The following NCOA6 variants were observed in gnomAD, a reference collection of about 807,000 sequenced individuals.
NCOA6 encodes the protein NRC RAP250.
A neutral mutation model predicts 171.4 loss-of-function variants in NCOA6; 49 were observed. That is an observed-to-expected ratio of 0.29 (90% CI 0.23 to 0.36). The LOEUF is 0.36. Ranked by LOEUF, NCOA6 falls within the 10% of genes least tolerant of loss-of-function variation. The probability of loss-of-function intolerance (pLI) is 1.00; values close to 1 mark genes in which losing one functional copy is unlikely to be tolerated. For missense variants in NCOA6, 2,248 were observed against 2,554.5 expected (o/e 0.88, Z 2.59); for synonymous variants, 910 against 927.5 (o/e 0.98, Z 0.34).
chr20:34,779,040 T>G (rs1420731468), intron 3 of NCOA6, among the ~76,000 whole-genome samples: 1 of 151,318 alleles, frequency 6.6e-6, no homozygotes, highest in East Asian at 1.9e-4. Flanking sequence ...ACATTATGAG[T>G]ACATTTAATT....
intron 12 of NCOA6, 173 bp from the exon 13 acceptor site, chr20:34,732,768 T>C: frequency 1.8e-6 from 1 of 542,880 alleles, no homozygotes; most frequent in East Asian, 3.0e-5. Context: ...CTTGGTTTGT[T>C]TGGGACATAA....
At chr20:34,763,675 C>T (rs1364715016) in intron 5 of NCOA6, among the ~76,000 whole-genome samples, 3 of 152,206 alleles carry the variant, frequency 2.0e-5, no homozygotes, top group African/African-American at 7.2e-5. Context: ...ATGACTTAGC[C>T]TGGCTATTAA....
chr20:34,757,631 G>A lies in NCOA6; in HGVS notation c.1117C>T (p.Pro373Ser). Reference sequence around the variant, plus strand: ...TGGCTGCCAAAGGGATATGGAGGGGGAGGGTGGGAAGGCGTCTGTACCGTG... The same window carrying A: ...TGGCTGCCAAAGGGATATGGAGGGGAAGGGTGGGAAGGCGTCTGTACCGTG... ...LATVQTPSHPPPPYPFGSQQA... is the reference protein window; with the variant it reads ...LATVQTPSHPSPPYPFGSQQA... The change falls in exon 7 of 15, where the codon CCC becomes TCC. Residue 373 changes from proline to serine, a missense_variant. This residue lies in a region of NCOA6 where 987 missense variants were observed against 1,104.7 expected (regional missense o/e 0.89). Coordinates refer to ENST00000359003, the MANE Select transcript of NCOA6 (RefSeq NM_014071.5). 1.2e-6 allele frequency: 2 copies of A among 1,614,070 alleles called. No individual in the cohort carries two copies. Among genetic ancestry groups the A allele is most frequent in the Non-Finnish European group, 1.7e-6 (2 of 1,179,956 alleles).
At chr20:34,752,956 C>T (rs1600858950) in intron 8 of NCOA6, among the ~76,000 whole-genome samples, 2 of 149,520 alleles carry the variant, frequency 1.3e-5, no homozygotes, top group East Asian at 3.9e-4. Flanking sequence ...AAACAAAAAA[C>T]ATGTACATGT....
intron 14 of NCOA6, among the ~76,000 whole-genome samples, chr20:34,716,704 T>A (rs1294167906): frequency 6.6e-6 from 1 of 151,710 alleles, no homozygotes; most frequent in African/African-American, 2.4e-5. Context: ...AGTTCAAGGC[T>A]GAAGTGAGCT....
At chr20:34,721,550 T>C (rs1245781809) in intron 14 of NCOA6, among the ~76,000 whole-genome samples, 2 of 152,174 alleles carry the variant, frequency 1.3e-5, no homozygotes, top group African/African-American at 4.8e-5. Context: ...GTTAGATTCT[T>C]ATAAGGACTA....
intron 1 of NCOA6, among the ~76,000 whole-genome samples, chr20:34,801,867 A>G (rs2078268810): frequency 6.6e-6 from 1 of 152,126 alleles, no homozygotes; most frequent in African/African-American, 2.4e-5. Flanking sequence ...TCTCAAAAAC[A>G]AAACAAAACA....
At position 34,750,302 on chromosome 20, in the gene NCOA6, G is replaced by A; in HGVS notation, c.1893C>T (p.Ser631=). 1.9e-6 allele frequency: 3 copies of A among 1,613,368 alleles called. No homozygotes were observed. Among genetic ancestry groups the A allele is most frequent in the Non-Finnish European group, 2.5e-6 (3 of 1,179,596 alleles). The change falls in exon 9 of 15, where the codon TCC becomes TCT. Residue 631 remains serine, a synonymous_variant. Transcript: ENST00000359003. ...LMGMHQQIVP[S]QGQMVQQQGT... is the part of the protein sequence containing the mutation. ...CTTGTTGCTGGACCATCTGGCCCTG[G>A]GAGGGCACGATTTGCTGGTGCATGC...
At chr20:34,735,748 T>C (rs1005444478) in intron 12 of NCOA6, among the ~76,000 whole-genome samples, 6 of 152,206 alleles carry the variant, frequency 3.9e-5, no homozygotes, top group South Asian at 4.1e-4. Context: ...GAGTGTGCAG[T>C]AGAAAGTCCT....
chr20:34,786,567 A>G (rs1430758469), intron 2 of NCOA6, among the ~76,000 whole-genome samples: 1 of 152,184 alleles, frequency 6.6e-6, no homozygotes, highest in African/African-American at 2.4e-5. Flanking sequence ...TTAGTTTCAA[A>G]GAACTTCTTC....
intron 4 of NCOA6, among the ~76,000 whole-genome samples, chr20:34,775,676 AAAAAAAAAAAAAAAAAG>A: frequency 2.4e-5 from 1 of 41,612 alleles, no homozygotes; most frequent in Non-Finnish European, 5.0e-5. Flanking sequence ...CTGTCTCAAA[AAAAAAAAAAAAAAAAAG>A]AAAAAAAAAA....
chr20:34,756,028 C>A (rs946137964), intron 7 of NCOA6, among the ~76,000 whole-genome samples: 2 of 152,182 alleles, frequency 1.3e-5, no homozygotes, highest in East Asian at 1.9e-4. Context: ...TGAGCCACTG[C>A]GCCTGGCCAT....
intron 13 of NCOA6, among the ~76,000 whole-genome samples, chr20:34,730,717 T>TC (rs1990509859): frequency 6.6e-6 from 1 of 150,404 alleles, no homozygotes; most frequent in Admixed American, 6.6e-5. Flanking sequence ...CTAGACTTTT[T>TC]TTTTTTTTTT....
chr20:34,777,239 T>C (rs1306938540), intron 3 of NCOA6, among the ~76,000 whole-genome samples: 1 of 151,410 alleles, frequency 6.6e-6, no homozygotes, highest in Non-Finnish European at 1.5e-5. Context: ...ATCATAATGA[T>C]AAGATACCAC....
intron 10 of NCOA6, 73 bp downstream of exon 10, chr20:34,746,734 C>T: frequency 1.4e-6 from 2 of 1,445,260 alleles, no homozygotes; most frequent in Non-Finnish European, 1.9e-6. Context: ...CTATTGTTTC[C>T]TTGAAGACAT....
intron 1 of NCOA6, among the ~76,000 whole-genome samples, chr20:34,814,474 C>T (rs1456475916): frequency 4.0e-5 from 6 of 151,864 alleles, no homozygotes; most frequent in East Asian, 3.8e-4. Context: ...TAGAAAAGTA[C>T]GTCAATATAT....
Position 34,722,016 on chromosome 20 carries a change from T to C in NCOA6, c.6148+5243A>G, listed in dbSNP as rs187870558. On this transcript the variant is annotated intron_variant, in intron 14 of 14. Coordinates refer to ENST00000359003, the MANE Select transcript of NCOA6 (RefSeq NM_014071.5). ...GCTGCAGTGAGTGATGATAGTGCCA[T>C]TGCACTCTAGCCTGGGTGACACAGT... Among the ~76,000 whole-genome samples, 463 of 136,266 alleles carry C rather than the reference T, an allele frequency of 3.4e-3. 2 individuals are homozygous for C. Among genetic ancestry groups the C allele is most frequent in the African/African-American group, 0.012 (439 of 35,834 alleles). 89.4% of individuals were successfully genotyped at this position (136,266 alleles called of 152,430 possible). A position where few individuals can be genotyped will look rare whatever the true frequency, so the allele number is the denominator to read the frequency against.
At chr20:34,748,803 C>A (rs962180564) in intron 9 of NCOA6, among the ~76,000 whole-genome samples, 1 of 152,104 alleles carries the variant, frequency 6.6e-6, no homozygotes, top group African/African-American at 2.4e-5. Context: ...AGGAAAGGCA[C>A]CTGTGCAAAA....
In NCOA6 at chr20:34,741,078, G is replaced by A. The variant is rs2076126782; in HGVS notation, c.5178C>T (p.Ile1726=). 2 of 1,614,220 alleles carry A rather than the reference G, an allele frequency of 1.2e-6. No individual in the cohort carries two copies. The highest frequency in any genetic ancestry group is 8.5e-7 in the Non-Finnish European group (1 of 1,180,038). Residue 1726 remains isoleucine, a synonymous_variant, in exon 11 of 15, where the codon ATC becomes ATT. Transcript: ENST00000359003. ...NALSSSPAPN[I]QTGRPLVLSS... ...TAAGGACCAAAGGTCGACCTGTCTG[G>A]ATGTTTGGAGCAGGACTACTGGAGA...
Sources: allele counts gnomAD v4.1 joint callset (sites outside exome capture counted in the v4.1 genomes callset), GRCh38; gene constraint gnomAD v4.1.1; regional missense constraint gnomAD v4.1.1; transcripts MANE v1.5; gene names NCBI Gene and HGNC (gene_info 2026-07-23, HGNC 2026-07-21).